The following NUB1 variants were observed in gnomAD, a reference collection of about 807,000 sequenced individuals.
The protein encoded by NUB1 is NEDD8 ultimate buster 1.
In NUB1, 41 loss-of-function variants were observed where a neutral mutation model predicts 77.1. The ratio of observed to expected loss-of-function variants is 0.53; its 90% CI spans 0.41 to 0.69. The LOEUF is 0.69. Among genes scored for constraint, NUB1 ranks in the 30% least tolerant of loss-of-function variants. The pLI, the probability that NUB1 is intolerant of heterozygous loss-of-function variation, is 0.00. For missense variants in NUB1, 643 were observed against 743.8 expected (o/e 0.86, Z 1.58); for synonymous variants, 257 against 281.0 (o/e 0.91, Z 0.85).
At chr7:151,376,071 G>A (rs1451074106) in intron 13 of NUB1, 128 bp downstream of exon 13, 14 of 698,958 alleles carry the variant, frequency 2.0e-5, no homozygotes, top group Non-Finnish European at 3.4e-5. Flanking sequence ...GGCTCCAGGT[G>A]TAACCTGCCC....
Position 151,360,238 on chromosome 7 carries a change from A to G in NUB1, c.791A>G (p.Lys264Arg). ...TTGCCATGTCTGTTGGACGCTGACA[A>G]ATATTTCTGGTAGGCGCTTTTGTAC... ...IALPCLLDAD[K>R]YFCECCRELL... The change falls in exon 8 of 15, where the codon AAA becomes AGA. Residue 264 changes from lysine to arginine, a missense_variant. By Grantham distance (26) the Lys-to-Arg change is conservative (BLOSUM62 2). Transcript: ENST00000568733. 3.8e-6 allele frequency: 6 copies of G among 1,593,618 alleles called. No individual in the cohort carries two copies. Among genetic ancestry groups the G allele is most frequent in the Non-Finnish European group, 4.3e-6 (5 of 1,161,534 alleles).
At chr7:151,365,998 T>G (rs1797662059) in intron 8 of NUB1, among the ~76,000 whole-genome samples, 1 of 152,188 alleles carries the variant, frequency 6.6e-6, no homozygotes, top group Admixed American at 6.5e-5. Flanking sequence ...AGAACACCAA[T>G]GAACATAAAG....
intron 7 of NUB1, among the ~76,000 whole-genome samples, chr7:151,359,382 G>A (rs1797253711): frequency 6.6e-6 from 1 of 151,148 alleles, no homozygotes; most frequent in South Asian, 2.1e-4. Flanking sequence ...GGTGGAGCTT[G>A]CAGTGAGTCG....
chr7:151,357,007 G>A (rs1478393952), intron 7 of NUB1, among the ~76,000 whole-genome samples: 1 of 151,960 alleles, frequency 6.6e-6, no homozygotes, highest in Non-Finnish European at 1.5e-5. Flanking sequence ...GTGAGCCACC[G>A]AACTCTGCCG....
chr7:151,374,420 G>GT, intron 12 of NUB1, 177 bp downstream of exon 12: 1 of 809,442 alleles, frequency 1.2e-6, no homozygotes, highest in Non-Finnish European at 2.0e-6. Flanking sequence ...GTGAGGCCAC[G>GT]TGAGGCCCCA....
At chr7:151,363,136 A>G (rs1450146393) in intron 8 of NUB1, among the ~76,000 whole-genome samples, 1 of 152,244 alleles carries the variant, frequency 6.6e-6, no homozygotes, top group Non-Finnish European at 1.5e-5. Context: ...AGCAAATGTA[A>G]CCTATAACAA....
intron 12 of NUB1, 135 bp downstream of exon 12, chr7:151,374,378 T>C: frequency 8.5e-7 from 1 of 1,179,892 alleles, no homozygotes. Context: ...AAGGGCAGGT[T>C]TCTCCTGGGC....
rs1563032559 is a variant in NUB1, at chr7:151,375,868, G to C, written c.1416G>C (p.Gln472His). The C allele has an allele frequency of 1.2e-6, 2 of 1,612,094 alleles. No homozygotes were observed. Among genetic ancestry groups the C allele is most frequent in the Non-Finnish European group, 1.7e-6 (2 of 1,178,154 alleles). The change falls in exon 13 of 15, where the codon CAG becomes CAC. Residue 472 changes from glutamine to histidine, a missense_variant. Physicochemically the swap from Gln to His is conservative, Grantham distance 24. Transcript: ENST00000568733. ...EALKILLSNP[Q>H]MWWLNDSNPE... ...TTTAGATTCTGCTCAGCAATCCTCA[G>C]ATGTGGTGGTTAAATGATTCCAATC...
intron 8 of NUB1, among the ~76,000 whole-genome samples, chr7:151,366,251 C>T (rs1461379974): frequency 1.3e-5 from 2 of 152,156 alleles, no homozygotes; most frequent in Non-Finnish European, 2.9e-5. Context: ...GCACACAGGC[C>T]CTCAGAAATC....
intron 13 of NUB1, chr7:151,376,309 C>G: frequency 2.1e-6 from 1 of 478,302 alleles, no homozygotes; most frequent in South Asian, 2.5e-5. Context: ...CATTTGTGCC[C>G]CTACACGCGT....
In NUB1 at chr7:151,367,068, C is replaced by G; in HGVS notation, c.930C>G (p.Ala310=). 3 of 1,613,754 alleles carry G rather than the reference C, an allele frequency of 1.9e-6. No individual in the cohort carries two copies. In the Admixed American group the frequency reaches 5.0e-5, roughly 27 times the overall value. ...ATGCAGAAAAAAAATTAAACTTGGC[C>G]CAGAAATGCTTTAAAAATTGTTACG... The part of the protein sequence containing the change: ...LDDAEKKLNL[A]QKCFKNCYGE... The change falls in exon 9 of 15, where the codon GCC becomes GCG. Residue 310 remains alanine, a synonymous_variant. Coordinates refer to ENST00000568733, the MANE Select transcript of NUB1 (RefSeq NM_001243351.2).
Position 151,359,166 on chromosome 7 carries a change from C to T in NUB1, c.694-975C>T, listed in dbSNP as rs544740211. 2.3e-4 allele frequency among the ~76,000 whole-genome samples: 35 copies of T among 151,608 alleles called. No homozygotes were observed. The East Asian group carries it at 6.9e-3, about 30-fold the overall frequency. ...TAAGAATAGAAAGTGAGGCCGGGCACGGTGGCTCATGCCTGTAATCCCAGC... is the reference window on the plus strand; with the variant it reads ...TAAGAATAGAAAGTGAGGCCGGGCATGGTGGCTCATGCCTGTAATCCCAGC... On this transcript the variant is annotated intron_variant, in intron 7 of 14. Transcript: ENST00000568733.
At chr7:151,372,540 A>C (rs1220531320) in intron 11 of NUB1, among the ~76,000 whole-genome samples, 1 of 152,194 alleles carries the variant, frequency 6.6e-6, no homozygotes, top group African/African-American at 2.4e-5. Context: ...GGGCCAGTAA[A>C]GGCATTTTAC....
chr7:151,362,592 G>A (rs192869470), intron 8 of NUB1, among the ~76,000 whole-genome samples: 20 of 152,334 alleles, frequency 1.3e-4, no homozygotes, highest in Non-Finnish European at 1.3e-4. Flanking sequence ...CATGAGGGGA[G>A]CTCAGTGTCT....
Position 151,358,954 on chromosome 7 carries a change from A to G in NUB1, c.694-1187A>G, listed in dbSNP as rs533324376. ...GTGGTGGGCGCCTGTAGTCCCAGGT[A>G]CTCGGGAGGCTGAGGTGGAAGAATG... is the stretch of plus-strand genomic sequence containing the variant. On this transcript the variant is annotated intron_variant, in intron 7 of 14. Transcript: ENST00000568733. 4.1e-3 allele frequency among the ~76,000 whole-genome samples: 615 copies of G among 151,566 alleles called. 2 individuals are homozygous for G. The highest frequency in any genetic ancestry group is 0.014 in the Middle Eastern group (4 of 294).
In NUB1 at chr7:151,351,486, A is replaced by C. The variant is rs781635987; in HGVS notation, c.344+4A>C. Reference sequence around the variant, plus strand: ...CTGGCAGAGAACTGAGGTCCAAGTAAGTATCTGTGTGCTCTGTGTCCTAGG... The same window carrying C: ...CTGGCAGAGAACTGAGGTCCAAGTACGTATCTGTGTGCTCTGTGTCCTAGG... On this transcript the variant is annotated splice_donor_region_variant and intron_variant, in intron 4 of 14. Transcript: ENST00000568733. The C allele has an allele frequency of 6.2e-7, 1 of 1,610,742 alleles. No homozygotes were observed. Among genetic ancestry groups the C allele is most frequent in the Non-Finnish European group, 8.5e-7 (1 of 1,177,404 alleles).
intron 10 of NUB1, among the ~76,000 whole-genome samples, 179 bp from the exon 11 acceptor site, chr7:151,368,556 T>A (rs942744061): frequency 6.6e-6 from 1 of 152,202 alleles, no homozygotes; most frequent in African/African-American, 2.4e-5. Context: ...TGAGTAGAGG[T>A]AGTGTTGGTC....
rs754857275 is a variant in NUB1 at position 151,376,666 on chromosome 7, C to T, written c.1524C>T (p.Ala508=). 5.6e-6 allele frequency: 9 copies of T among 1,611,278 alleles called. No individual in the cohort carries two copies. Among genetic ancestry groups the T allele is most frequent in the East Asian group, 2.2e-5 (1 of 44,826 alleles). The change falls in exon 14 of 15, where the codon GCC becomes GCT. Residue 508 remains alanine (A), a synonymous_variant. Coordinates refer to ENST00000568733, the MANE Select transcript of NUB1 (RefSeq NM_001243351.2). ...ACATGGGTTTTGATGCACTCGTGGC[C>T]GAAGCTGCGCTGAGAGTGTTCAGAG... ...LVYMGFDALV[A]EAALRVFRGN...
At chr7:151,373,268 T>C (rs767962500) in intron 11 of NUB1, among the ~76,000 whole-genome samples, 10 of 152,184 alleles carry the variant, frequency 6.6e-5, no homozygotes, top group Non-Finnish European at 1.2e-4. Flanking sequence ...GTTGGGAAAA[T>C]AATGAGGTTG....
Sources: gnomAD v4.1 joint callset for allele counts (sites outside exome capture counted in the v4.1 genomes callset) on GRCh38, gnomAD v4.1.1 for gene constraint, MANE v1.5 for transcripts, NCBI Gene and HGNC (gene_info 2026-07-23, HGNC 2026-07-21) for gene names.